The following HMGCLL1 variants were observed in gnomAD, a reference collection of about 807,000 sequenced individuals.
HMGCLL1 encodes 3-hydroxy-3-methylglutaryl-CoA lyase like 1.
A neutral mutation model predicts 39.1 loss-of-function variants in HMGCLL1; 36 were observed. The observed-to-expected ratio is 0.92, with a 90% CI of 0.71 to 1.22. HMGCLL1 has a LOEUF of 1.22. Among genes scored for constraint, HMGCLL1 ranks in the 50% most tolerant of loss-of-function variants. The pLI is 0.00. For missense variants in HMGCLL1, 451 were observed against 416.5 expected, an observed-to-expected ratio of 1.08 and a Z score of -0.72; for synonymous variants, 149 against 144.0, an observed-to-expected ratio of 1.03 and a Z score of -0.25.
intron 1 of HMGCLL1, among the ~76,000 whole-genome samples, chr6:55,574,558 A>C (rs1229569363): frequency 6.6e-6 from 1 of 151,964 alleles, no homozygotes; most frequent in Non-Finnish European, 1.5e-5. Flanking sequence ...TCAGGGGGAA[A>C]ATGAGAAATT....
the HMGCLL1 span, among the ~76,000 whole-genome samples, chr6:55,632,879 G>A: frequency 1.5e-4 from 23 of 152,004 alleles, no homozygotes; most frequent in Non-Finnish European, 5.9e-5. Flanking sequence ...ATTCTCCTGT[G>A]AATTTTATTG....
At chr6:55,496,611 A>G (rs974341488) in intron 6 of HMGCLL1, among the ~76,000 whole-genome samples, 2 of 152,120 alleles carry the variant, frequency 1.3e-5, no homozygotes, top group South Asian at 2.1e-4. Flanking sequence ...TGTGTTTTTC[A>G]TTATATTTAG....
the HMGCLL1 span, among the ~76,000 whole-genome samples, chr6:55,607,092 T>C: frequency 6.6e-6 from 1 of 152,194 alleles, no homozygotes; most frequent in Non-Finnish European, 1.5e-5. Flanking sequence ...CTTGTCTCTC[T>C]GATATACTAT....
At chr6:55,599,279 A>T in the HMGCLL1 span, among the ~76,000 whole-genome samples, 1 of 152,172 alleles carries the variant, frequency 6.6e-6, no homozygotes, top group African/African-American at 2.4e-5. Flanking sequence ...AGAAAGAAAG[A>T]AAAGAAAAAG....
At chr6:55,587,507 A>T in the HMGCLL1 span, among the ~76,000 whole-genome samples, 3 of 152,274 alleles carry the variant, frequency 2.0e-5, no homozygotes, top group African/African-American at 7.2e-5. Flanking sequence ...AAGGAGCAAA[A>T]TAACCAGCTT....
intron 7 of HMGCLL1, among the ~76,000 whole-genome samples, chr6:55,468,720 TAAG>T (rs1332298601): frequency 6.6e-6 from 1 of 151,958 alleles, no homozygotes; most frequent in East Asian, 1.9e-4. Flanking sequence ...GTAATTTGCC[TAAG>T]AAGACAAAAT....
At chr6:55,621,797 G>A in the HMGCLL1 span, among the ~76,000 whole-genome samples, 52,897 of 151,792 alleles carry the variant, frequency 0.35, 9,594 homozygotes, top group African/African-American at 0.44. Flanking sequence ...TATATTCCAG[G>A]TCTTAGAGGA....
chr6:55,523,889 A>G (rs1035018642), intron 3 of HMGCLL1, among the ~76,000 whole-genome samples: 1 of 151,954 alleles, frequency 6.6e-6, no homozygotes, highest in African/African-American at 2.4e-5. Context: ...CATCCATGTG[A>G]AATCAAATGG....
At chr6:55,674,265 G>A in the HMGCLL1 span, among the ~76,000 whole-genome samples, 1 of 151,676 alleles carries the variant, frequency 6.6e-6, no homozygotes. Context: ...GACTCATTCT[G>A]GCCTTTATTT....
intron 7 of HMGCLL1, among the ~76,000 whole-genome samples, chr6:55,493,593 C>A (rs908136564): frequency 6.6e-6 from 1 of 152,150 alleles, no homozygotes; most frequent in African/African-American, 2.4e-5. Flanking sequence ...AGGACATAAT[C>A]CTCTCCTTCT....
chr6:55,454,363 G>A (rs543290569), intron 7 of HMGCLL1, among the ~76,000 whole-genome samples: 2 of 152,074 alleles, frequency 1.3e-5, no homozygotes, highest in Non-Finnish European at 2.9e-5. Flanking sequence ...TATACTGGAG[G>A]GCATACAAGA....
At chr6:55,616,247 G>A in the HMGCLL1 span, among the ~76,000 whole-genome samples, 3 of 152,048 alleles carry the variant, frequency 2.0e-5, no homozygotes, top group African/African-American at 7.2e-5. Context: ...ATACAAAATT[G>A]ATGCTTCATA....
intron 7 of HMGCLL1, among the ~76,000 whole-genome samples, chr6:55,462,762 G>T (rs983412835): frequency 2.0e-5 from 3 of 152,068 alleles, no homozygotes; most frequent in Non-Finnish European, 2.9e-5. Flanking sequence ...TTCTTATGTT[G>T]TAGGTATAAC....
At chr6:55,510,351 T>C (rs1185538375) in intron 5 of HMGCLL1, among the ~76,000 whole-genome samples, 1 of 151,802 alleles carries the variant, frequency 6.6e-6, no homozygotes, top group African/African-American at 2.4e-5. Context: ...CGTATGTTTA[T>C]TGCGGCACTA....
intron 7 of HMGCLL1, among the ~76,000 whole-genome samples, chr6:55,468,023 C>A (rs1049853017): frequency 6.6e-6 from 1 of 151,870 alleles, no homozygotes; most frequent in Non-Finnish European, 1.5e-5. Context: ...ATACAGAATG[C>A]CTGTGTGAAG....
chr6:55,668,284 A>G, the HMGCLL1 span, among the ~76,000 whole-genome samples: 3 of 151,928 alleles, frequency 2.0e-5, no homozygotes, highest in African/African-American at 7.2e-5. Flanking sequence ...AGGATCTGTG[A>G]CAGGGTTAAC....
the HMGCLL1 span, among the ~76,000 whole-genome samples, chr6:55,584,237 A>G: frequency 6.6e-6 from 1 of 152,126 alleles, no homozygotes. Context: ...TCTGAGTATT[A>G]TATTTGTTCC....
intron 1 of HMGCLL1, among the ~76,000 whole-genome samples, chr6:55,548,643 C>A (rs4543375): frequency 1.3e-5 from 2 of 151,636 alleles, no homozygotes; most frequent in Non-Finnish European, 2.9e-5. Flanking sequence ...AAAGTAGCTT[C>A]AGCAATAAAT....
intron 3 of HMGCLL1, among the ~76,000 whole-genome samples, chr6:55,520,773 A>AT (rs899755382): frequency 6.6e-6 from 1 of 152,008 alleles, no homozygotes; most frequent in Non-Finnish European, 1.5e-5. Flanking sequence ...CGTTGCAGTG[A>AT]TTTTTTAAAT....
Sources: gnomAD v4.1 joint callset for allele counts (sites outside exome capture counted in the v4.1 genomes callset) on GRCh38, gnomAD v4.1.1 for gene constraint, MANE v1.5 for transcripts, NCBI Gene and HGNC (gene_info 2026-07-23, HGNC 2026-07-21) for gene names.